MSR1: variants seen among roughly 807,000 people sequenced by gnomAD.
The protein encoded by MSR1 is macrophage scavenger receptor types I and II.
In MSR1, 53 loss-of-function variants were observed where a neutral mutation model predicts 47.2. The ratio of observed to expected loss-of-function variants is 1.12; its 90% confidence interval spans 0.90 to 1.41. MSR1 has a LOEUF of 1.41. Among genes scored for constraint, MSR1 ranks in the 40% most tolerant of loss-of-function variants. The probability of loss-of-function intolerance (pLI) is 0.00; values close to 1 mark genes in which losing one functional copy is unlikely to be tolerated. For missense variants in MSR1, 786 were observed against 546.9 expected (o/e 1.44, Z -4.36); for synonymous variants, 239 against 185.6 (o/e 1.29, Z -2.34).
intron 1 of MSR1, among the ~76,000 whole-genome samples, chr8:16,180,501 T>C (rs1197485366): frequency 6.6e-6 from 1 of 152,182 alleles, no homozygotes; most frequent in Non-Finnish European, 1.5e-5. Context: ...TTATGACTTC[T>C]TTTGTTGGAC....
intron 1 of MSR1, among the ~76,000 whole-genome samples, chr8:16,190,472 T>G (rs1282773056): frequency 6.6e-6 from 1 of 152,086 alleles, no homozygotes; most frequent in Non-Finnish European, 1.5e-5. Flanking sequence ...TGGTTTTCAT[T>G]TTTATTTTTT....
intron 8 of MSR1, among the ~76,000 whole-genome samples, chr8:16,132,780 T>G (rs1033775772): frequency 6.6e-6 from 1 of 152,142 alleles, no homozygotes; most frequent in South Asian, 2.1e-4. Context: ...TCTTGCCTGA[T>G]TGCTCTGGCC....
intron 8 of MSR1, among the ~76,000 whole-genome samples, chr8:16,134,974 G>C (rs1472790230): frequency 6.6e-6 from 1 of 152,116 alleles, no homozygotes; most frequent in Non-Finnish European, 1.5e-5. Context: ...GAAACTGCAG[G>C]AGAAAAGTTG....
At chr8:16,180,326 C>T (rs1801792043) in intron 1 of MSR1, among the ~76,000 whole-genome samples, 1 of 152,084 alleles carries the variant, frequency 6.6e-6, no homozygotes, top group Non-Finnish European at 1.5e-5. Context: ...TAACATGTAT[C>T]AGAAACATTG....
intron 1 of MSR1, among the ~76,000 whole-genome samples, chr8:16,183,029 C>A (rs1801881706): frequency 6.6e-6 from 1 of 152,070 alleles, no homozygotes. Flanking sequence ...GCTATGAGGT[C>A]AATAGGTGAT....
At chr8:16,192,360 T>C (rs1218912568) in intron 1 of MSR1, among the ~76,000 whole-genome samples, 2 of 152,172 alleles carry the variant, frequency 1.3e-5, no homozygotes, top group African/African-American at 2.4e-5. Flanking sequence ...TATGTACTTG[T>C]GAACATATAT....
chr8:16,146,604 T>C (rs1800705896), intron 7 of MSR1, among the ~76,000 whole-genome samples: 1 of 152,150 alleles, frequency 6.6e-6, no homozygotes, highest in Non-Finnish European at 1.5e-5. Flanking sequence ...GACTTCACCT[T>C]ACTTGACCAC....
chr8:16,109,231 C>G lies in MSR1; in HGVS notation c.*854G>C, dbSNP rs11985261. 5.5e-5 allele frequency: 7 copies of G among 127,490 alleles called. No homozygotes were observed. The highest frequency in any genetic ancestry group is 9.5e-5 in the Non-Finnish European group (6 of 63,484). 7.9% of individuals were successfully genotyped at this position (127,490 alleles called of 1,614,324 possible). A position where few individuals can be genotyped will look rare whatever the true frequency, so the allele number is the denominator to read the frequency against. On this transcript the variant is annotated 3_prime_UTR_variant, in exon 10 of 10. Transcript: ENST00000262101. ...GACTGACTTCATAAAAGACTCCAAA[C>G]AGTTGAAACCACTCTTCCTTCTGCA...
intron 8 of MSR1, among the ~76,000 whole-genome samples, chr8:16,142,854 T>A (rs1364975174): frequency 1.3e-5 from 2 of 152,130 alleles, no homozygotes; most frequent in African/African-American, 2.4e-5. Flanking sequence ...AGGAGCCTTC[T>A]GATTCTGAGA....
intron 8 of MSR1, among the ~76,000 whole-genome samples, chr8:16,137,259 G>A (rs1800413031): frequency 6.6e-6 from 1 of 152,026 alleles, no homozygotes; most frequent in South Asian, 2.1e-4. Flanking sequence ...GGAGACTAGA[G>A]GCAATAGCTG....
At chr8:16,125,499 G>C (rs1237386946) in intron 8 of MSR1, among the ~76,000 whole-genome samples, 2 of 152,034 alleles carry the variant, frequency 1.3e-5, no homozygotes, top group Non-Finnish European at 2.9e-5. Flanking sequence ...TCATTCTATA[G>C]TTTAACTTTT....
intron 7 of MSR1, among the ~76,000 whole-genome samples, chr8:16,145,311 A>G (rs938768134): frequency 2.0e-5 from 3 of 152,148 alleles, no homozygotes; most frequent in Admixed American, 1.3e-4. Flanking sequence ...ATGCTTTAAT[A>G]AAATATAGTG....
At chr8:16,145,996 G>A (rs1800686907) in intron 7 of MSR1, among the ~76,000 whole-genome samples, 2 of 152,044 alleles carry the variant, frequency 1.3e-5, no homozygotes, top group South Asian at 2.1e-4. Context: ...ATATGTAGGA[G>A]GATATTCTAA....
intron 1 of MSR1, among the ~76,000 whole-genome samples, chr8:16,192,071 A>G (rs146898228): frequency 0.014 from 2,083 of 152,236 alleles, 38 homozygotes; most frequent in African/African-American, 0.043. Flanking sequence ...TCCGGAGCAC[A>G]AAAAGAACTA....
intron 8 of MSR1, among the ~76,000 whole-genome samples, chr8:16,136,229 C>T (rs1457330206): frequency 6.6e-6 from 1 of 152,132 alleles, no homozygotes; most frequent in East Asian, 1.9e-4. Context: ...ATCAACGTGG[C>T]ATATTTCATT....
At chr8:16,137,134 T>C (rs961896970) in intron 8 of MSR1, among the ~76,000 whole-genome samples, 1 of 152,188 alleles carries the variant, frequency 6.6e-6, no homozygotes, top group East Asian at 1.9e-4. Context: ...AAAATAAAGA[T>C]AGAATATTAA....
intron 8 of MSR1, among the ~76,000 whole-genome samples, chr8:16,142,005 G>C (rs935745681): frequency 2.0e-5 from 3 of 152,028 alleles, no homozygotes; most frequent in African/African-American, 7.2e-5. Context: ...GGAGTGAAAA[G>C]GAGAAAGAAA....
chr8:16,143,710 G>T (rs1585156879), intron 7 of MSR1, 99 bp from the exon 8 acceptor site: 3 of 763,744 alleles, frequency 3.9e-6, no homozygotes, highest in East Asian at 3.5e-5. Flanking sequence ...AAATATAATA[G>T]AATGGACAGA....
intron 3 of MSR1, among the ~76,000 whole-genome samples, chr8:16,172,211 G>A (rs541833006): frequency 4.6e-5 from 7 of 152,150 alleles, no homozygotes; most frequent in Admixed American, 3.3e-4. Context: ...GATTTATTTT[G>A]TATCAGTAAA....
Sources: allele counts gnomAD v4.1 joint callset (sites outside exome capture counted in the v4.1 genomes callset), GRCh38; gene constraint gnomAD v4.1.1; transcripts MANE v1.5; gene names NCBI Gene and HGNC (gene_info 2026-07-23, HGNC 2026-07-21).